The following EBF1 variants were observed in gnomAD, a reference collection of about 807,000 sequenced individuals.
EBF1 encodes transcription factor COE1.
A neutral mutation model predicts 68.4 loss-of-function variants in EBF1; 10 were observed. The ratio of observed to expected loss-of-function variants is 0.15; its 90% CI spans 0.09 to 0.25. The LOEUF is 0.25. Among genes scored for constraint, EBF1 ranks in the 10% least tolerant of loss-of-function variants. The pLI is 1.00. For synonymous variants in EBF1, 298 were observed against 299.8 expected, an observed-to-expected ratio of 0.99 and a Z score of 0.06; for missense variants, 509 against 794.4, an observed-to-expected ratio of 0.64 and a Z score of 4.32.
intron 6 of EBF1, among the ~76,000 whole-genome samples, chr5:158,906,312 A>AC (rs1471140339): frequency 2.0e-5 from 3 of 151,912 alleles, no homozygotes; most frequent in Non-Finnish European, 2.9e-5. Flanking sequence ...CAGAAAAAAA[A>AC]AAAAAAAAAA....
intron 6 of EBF1, among the ~76,000 whole-genome samples, chr5:158,958,165 G>A (rs1378026448): frequency 3.3e-5 from 5 of 152,110 alleles, no homozygotes; most frequent in Admixed American, 6.6e-5. Context: ...GACAGAGCTC[G>A]GTGGTGTCCT....
chr5:159,050,384 AG>A (rs1337774940), intron 6 of EBF1, among the ~76,000 whole-genome samples: 1 of 152,024 alleles, frequency 6.6e-6, no homozygotes, highest in Non-Finnish European at 1.5e-5. Flanking sequence ...TCCTCCCACA[AG>A]GGACTGTCTC....
At chr5:158,787,518 G>T (rs931162309) in intron 9 of EBF1, among the ~76,000 whole-genome samples, 2 of 152,188 alleles carry the variant, frequency 1.3e-5, no homozygotes, top group Non-Finnish European at 2.9e-5. Context: ...ATTTTAGGGA[G>T]TTGAGATTAT....
chr5:158,928,443 ATTC>A (rs1810143704), intron 6 of EBF1, among the ~76,000 whole-genome samples: 1 of 152,194 alleles, frequency 6.6e-6, no homozygotes, highest in African/African-American at 2.4e-5. Context: ...ATAAAATGTG[ATTC>A]TTATGAAAAA....
At chr5:159,028,933 G>A (rs1768232374) in intron 6 of EBF1, among the ~76,000 whole-genome samples, 1 of 152,160 alleles carries the variant, frequency 6.6e-6, no homozygotes, top group African/African-American at 2.4e-5. Flanking sequence ...AGTGGGTACT[G>A]GGAATAAAAT....
intron 6 of EBF1, among the ~76,000 whole-genome samples, chr5:158,937,536 G>C (rs1255083037): frequency 6.6e-6 from 1 of 152,196 alleles, no homozygotes; most frequent in East Asian, 1.9e-4. Context: ...CACCGATGAA[G>C]GGAAAGAATT....
chr5:158,913,080 C>A (rs571383613), intron 6 of EBF1, among the ~76,000 whole-genome samples: 1 of 152,272 alleles, frequency 6.6e-6, no homozygotes, highest in East Asian at 1.9e-4. Context: ...ATATAATATA[C>A]AAAATATCTG....
intron 6 of EBF1, among the ~76,000 whole-genome samples, chr5:158,911,389 T>C (rs1862385): frequency 0.73 from 111,656 of 151,974 alleles, 41,483 homozygotes; most frequent in South Asian, 0.88. Flanking sequence ...CTAACCAGCC[T>C]GGCTGGTTAC....
intron 8 of EBF1, among the ~76,000 whole-genome samples, chr5:158,807,224 A>T (rs542145447): frequency 6.6e-6 from 1 of 152,134 alleles, no homozygotes; most frequent in East Asian, 1.9e-4. Flanking sequence ...ACAACGATTA[A>T]TCTCCAATCC....
At chr5:158,835,478 G>A (rs1476125933) in intron 7 of EBF1, among the ~76,000 whole-genome samples, 1 of 152,176 alleles carries the variant, frequency 6.6e-6, no homozygotes, top group Admixed American at 6.5e-5. Context: ...CCCTCTGCAT[G>A]ATGAACTTTG....
At chr5:158,825,101 G>A (rs554959126) in intron 7 of EBF1, among the ~76,000 whole-genome samples, 2 of 152,170 alleles carry the variant, frequency 1.3e-5, no homozygotes, top group African/African-American at 4.8e-5. Flanking sequence ...TTGCAGAGTG[G>A]TTCTTCTCTT....
chr5:158,733,185 C>T (rs143964472), intron 10 of EBF1, among the ~76,000 whole-genome samples: 242 of 152,146 alleles, frequency 1.6e-3, no homozygotes, highest in Middle Eastern at 0.01. Flanking sequence ...TTTATAATAT[C>T]CACCCCCACC....
chr5:159,049,840 C>A (rs1773178524), intron 6 of EBF1, among the ~76,000 whole-genome samples: 1 of 152,182 alleles, frequency 6.6e-6, no homozygotes, highest in African/African-American at 2.4e-5. Context: ...GGGAGGGGTG[C>A]TTATCTGGTG....
At chr5:158,983,897 A>AGAGTGTGT (rs781346130) in intron 6 of EBF1, 3 of 140,076 alleles carry the variant, frequency 2.1e-5, no homozygotes, top group African/African-American at 7.9e-5. Context: ...CAACTGTAAG[A>AGAGTGTGT]GTGTGTGTGT....
At chr5:158,974,344 T>C (rs1025530679) in intron 6 of EBF1, among the ~76,000 whole-genome samples, 2 of 152,244 alleles carry the variant, frequency 1.3e-5, no homozygotes, top group African/African-American at 2.4e-5. Context: ...GTAGCCAGTG[T>C]TTCTGAGCTT....
intron 8 of EBF1, 57 bp from the exon 9 acceptor site, chr5:158,796,532 A>C (rs1038623888): frequency 6.6e-7 from 1 of 1,521,684 alleles, no homozygotes; most frequent in African/African-American, 1.4e-5. Context: ...CCAAACTTTA[A>C]TGATGAAGAC....
At chr5:158,874,977 A>G (rs1797542919) in intron 6 of EBF1, among the ~76,000 whole-genome samples, 1 of 151,924 alleles carries the variant, frequency 6.6e-6, no homozygotes, top group African/African-American at 2.4e-5. Flanking sequence ...CACAACTAGC[A>G]TGAATATTTT....
chr5:158,906,072 A>G (rs762691364), intron 6 of EBF1, among the ~76,000 whole-genome samples: 1 of 152,094 alleles, frequency 6.6e-6, no homozygotes, highest in Non-Finnish European at 1.5e-5. Flanking sequence ...CCACCAATAT[A>G]CCTAGGTCCC....
chr5:159,009,548 G>T (rs1229323442), intron 6 of EBF1, among the ~76,000 whole-genome samples: 1 of 152,172 alleles, frequency 6.6e-6, no homozygotes, highest in Non-Finnish European at 1.5e-5. Flanking sequence ...ATACGAAAAA[G>T]ATGGCAGACT....
Sources: gnomAD v4.1 joint callset for allele counts (sites outside exome capture counted in the v4.1 genomes callset) on GRCh38, gnomAD v4.1.1 for gene constraint, MANE v1.5 for transcripts, NCBI Gene and HGNC (gene_info 2026-07-23, HGNC 2026-07-21) for gene names.